The following WWC2 variants were observed in gnomAD, a reference collection of about 807,000 sequenced individuals.
WWC2 encodes the protein WW and C2 domain containing 2.
In WWC2, 101 loss-of-function variants were observed where a neutral mutation model predicts 138.5. The ratio of observed to expected loss-of-function variants is 0.73; its 90% confidence interval spans 0.62 to 0.86. The LOEUF (loss-of-function observed/expected upper bound fraction) is 0.86, where lower values mean the gene tolerates loss of function less well. WWC2 is among the 40% of genes least tolerant of loss of function. The probability of loss-of-function intolerance (pLI) is 0.00; values close to 1 mark genes in which losing one functional copy is unlikely to be tolerated. For missense variants in WWC2, 1,420 were observed against 1,419.4 expected (o/e 1.00, Z -0.01); for synonymous variants, 558 against 538.4 (o/e 1.04, Z -0.50).
chr4:183,284,096 T>A, intron 18 of WWC2, 130 bp from the exon 19 acceptor site: 1 of 1,051,760 alleles, frequency 9.5e-7, no homozygotes, highest in Non-Finnish European at 1.4e-6. Flanking sequence ...GCAAAGCCTT[T>A]CTCTTAGGAG....
At position 183,275,931 on chromosome 4, in the gene WWC2, A is replaced by G. The variant is rs1737840907; in HGVS notation, c.2562+4690A>G. Among the ~76,000 whole-genome samples, 4 of 152,112 alleles carry G rather than the reference A, an allele frequency of 2.6e-5. No homozygotes were observed. In the South Asian group the frequency reaches 6.2e-4, roughly 24 times the overall value. On this transcript the variant is annotated intron_variant, in intron 16 of 22. Coordinates refer to ENST00000403733, the MANE Select transcript of WWC2 (RefSeq NM_024949.6). ...GTGGAATTTTTTGTTTACAGATTCT[A>G]TCTCTGTACTTCAGTCTATTTAGAC...
chr4:183,250,580 A>G (rs1417939835), intron 8 of WWC2, among the ~76,000 whole-genome samples: 3 of 152,050 alleles, frequency 2.0e-5, no homozygotes, highest in Non-Finnish European at 4.4e-5. Flanking sequence ...GGAGTGAGAC[A>G]TAAGAAACTT....
At chr4:183,132,733 G>A (rs957140420) in intron 1 of WWC2, among the ~76,000 whole-genome samples, 5 of 152,104 alleles carry the variant, frequency 3.3e-5, no homozygotes, top group Non-Finnish European at 5.9e-5. Flanking sequence ...GATTACAGGC[G>A]TGAGCCACCG....
chr4:183,189,716 C>T (rs1170342157), intron 1 of WWC2, among the ~76,000 whole-genome samples: 2 of 152,166 alleles, frequency 1.3e-5, no homozygotes, highest in African/African-American at 4.8e-5. Context: ...ACTGTTAAGA[C>T]TTTTAATGTG....
At chr4:183,135,812 A>AT (rs1167373577) in intron 1 of WWC2, among the ~76,000 whole-genome samples, 1 of 152,026 alleles carries the variant, frequency 6.6e-6, no homozygotes, top group East Asian at 1.9e-4. Flanking sequence ...TTTTTGACAG[A>AT]TTTTTTGCTA....
At chr4:183,186,092 C>T (rs948018833) in intron 1 of WWC2, among the ~76,000 whole-genome samples, 13 of 151,748 alleles carry the variant, frequency 8.6e-5, no homozygotes, top group Admixed American at 3.3e-4. Flanking sequence ...GGACTACGAG[C>T]GCCCCCCACC....
intron 16 of WWC2, among the ~76,000 whole-genome samples, chr4:183,274,381 GTCTT>G (rs1167719530): frequency 6.6e-6 from 1 of 152,084 alleles, no homozygotes; most frequent in East Asian, 1.9e-4. Flanking sequence ...ATTTATTTAG[GTCTT>G]TAATTTCTTT....
At chr4:183,101,023 C>T (rs1007446129) in intron 1 of WWC2, among the ~76,000 whole-genome samples, 39 of 152,224 alleles carry the variant, frequency 2.6e-4, no homozygotes, top group African/African-American at 9.2e-4. Flanking sequence ...AACTACTTAA[C>T]AGATAGTAAA....
chr4:183,303,753 A>C (rs1738937837), intron 21 of WWC2, among the ~76,000 whole-genome samples: 1 of 152,216 alleles, frequency 6.6e-6, no homozygotes, highest in Non-Finnish European at 1.5e-5. Flanking sequence ...AACTCAAAGT[A>C]CAGATTAACA....
At chr4:183,250,068 A>G (rs1018105804) in intron 8 of WWC2, 75 bp downstream of exon 8, 8 of 1,372,346 alleles carry the variant, frequency 5.8e-6, no homozygotes, top group African/African-American at 5.7e-5. Context: ...TCCTGTGGTG[A>G]CATCTGCTGG....
intron 8 of WWC2, among the ~76,000 whole-genome samples, chr4:183,250,762 A>C (rs1389196759): frequency 6.6e-6 from 1 of 152,200 alleles, no homozygotes; most frequent in Non-Finnish European, 1.5e-5. Flanking sequence ...GTTATTATTT[A>C]GGAGGACATT....
chr4:183,184,238 T>C (rs1452388225), intron 1 of WWC2, among the ~76,000 whole-genome samples: 2 of 152,248 alleles, frequency 1.3e-5, no homozygotes, highest in Admixed American at 6.5e-5. Flanking sequence ...ATATGTGACA[T>C]TTTGTGCCTG....
intron 1 of WWC2, among the ~76,000 whole-genome samples, chr4:183,182,442 TCTC>T: frequency 1.3e-5 from 2 of 152,350 alleles, no homozygotes; most frequent in Middle Eastern, 6.8e-3. Context: ...TCTCTACCTC[TCTC>T]AAACACTCAT....
chr4:183,304,212 A>G (rs559868567), intron 21 of WWC2, among the ~76,000 whole-genome samples: 35 of 152,258 alleles, frequency 2.3e-4, no homozygotes, highest in African/African-American at 8.2e-4. Context: ...CAAGCAGAAC[A>G]AAGAATCACA....
At position 183,240,275 on chromosome 4, in the gene WWC2, A is replaced by C; in HGVS notation, c.602+13A>C. The C allele has an allele frequency of 6.5e-7, 1 of 1,540,256 alleles. No individual in the cohort carries two copies. Among genetic ancestry groups the C allele is most frequent in the Non-Finnish European group, 8.8e-7 (1 of 1,142,688 alleles). On this transcript the variant is annotated intron_variant, in intron 5 of 22. Transcript: ENST00000403733. ...AAACATTGCAGCAGTGAGTATGAAA[A>C]GACTGAATCAACTTTAGAATAAGCT...
chr4:183,143,165 A>G (rs779896693), intron 1 of WWC2, among the ~76,000 whole-genome samples: 3 of 152,210 alleles, frequency 2.0e-5, no homozygotes, highest in Non-Finnish European at 4.4e-5. Flanking sequence ...AAATTAACTT[A>G]GCAGTTTCTG....
chr4:183,191,439 T>C (rs1047017033), intron 1 of WWC2, among the ~76,000 whole-genome samples: 4 of 152,212 alleles, frequency 2.6e-5, no homozygotes, highest in Non-Finnish European at 5.9e-5. Context: ...TGTTTAGTTC[T>C]CATCTAAACT....
At chr4:183,305,311 A>G (rs568778708) in intron 21 of WWC2, among the ~76,000 whole-genome samples, 133 of 152,298 alleles carry the variant, frequency 8.7e-4, no homozygotes, top group Non-Finnish European at 1.5e-3. Flanking sequence ...GGAATACCAG[A>G]AGAAAGACAA....
At chr4:183,210,831 T>C (rs1036963998) in intron 4 of WWC2, among the ~76,000 whole-genome samples, 1 of 152,184 alleles carries the variant, frequency 6.6e-6, no homozygotes, top group African/African-American at 2.4e-5. Flanking sequence ...CACACAGTGG[T>C]ATTTGTGTCT....
Sources: gnomAD v4.1 joint callset for allele counts (sites outside exome capture counted in the v4.1 genomes callset) on GRCh38, gnomAD v4.1.1 for gene constraint, MANE v1.5 for transcripts, NCBI Gene and HGNC (gene_info 2026-07-23, HGNC 2026-07-21) for gene names.